The following TAOK3 variants were observed in gnomAD, a reference collection of about 807,000 sequenced individuals.
The protein encoded by TAOK3 is TAO kinase 3, also known as serine/threonine-protein kinase TAO3.
Under a neutral mutation model 120.4 loss-of-function variants are expected in TAOK3, and 40 were observed. The observed-to-expected ratio is 0.33, with a 90% CI of 0.26 to 0.43. The LOEUF is 0.43. TAOK3 is among the 20% of genes least tolerant of loss of function. The pLI, the probability that TAOK3 is intolerant of heterozygous loss-of-function variation, is 1.00. For synonymous variants in TAOK3, 355 were observed against 387.5 expected (o/e 0.92, Z 0.99); for missense variants, 821 against 1,112.1 (o/e 0.74, Z 3.72).
intron 9 of TAOK3, among the ~76,000 whole-genome samples, chr12:118,217,957 T>A (rs1225045193): frequency 6.8e-6 from 1 of 147,062 alleles, no homozygotes; most frequent in Non-Finnish European, 1.5e-5. Flanking sequence ...GCCTCCAGGT[T>A]CAAGTGATTC....
At chr12:118,221,988 C>G (rs1036061844) in intron 9 of TAOK3, among the ~76,000 whole-genome samples, 12 of 151,068 alleles carry the variant, frequency 7.9e-5, no homozygotes, top group Admixed American at 7.2e-4. Flanking sequence ...AAACGTTGAG[C>G]TAGCTACATT....
chr12:118,221,553 A>C (rs564871740), intron 9 of TAOK3, among the ~76,000 whole-genome samples: 4 of 152,106 alleles, frequency 2.6e-5, no homozygotes, highest in African/African-American at 9.6e-5. Context: ...AGTTTGAATA[A>C]AGCTTCTTCT....
chr12:118,308,492 A>G (rs749895128), intron 1 of TAOK3, among the ~76,000 whole-genome samples: 1 of 152,192 alleles, frequency 6.6e-6, no homozygotes, highest in East Asian at 1.9e-4. Context: ...CCAGTAAGGC[A>G]GGAAAATCAG....
intron 1 of TAOK3, among the ~76,000 whole-genome samples, chr12:118,345,373 A>C (rs1035637111): frequency 6.6e-6 from 1 of 152,226 alleles, no homozygotes; most frequent in African/African-American, 2.4e-5. Context: ...TGATCTCAAA[A>C]GGGTTCATAA....
chr12:118,157,812 C>G (rs879919637), intron 19 of TAOK3, among the ~76,000 whole-genome samples: 3 of 152,226 alleles, frequency 2.0e-5, no homozygotes, highest in African/African-American at 4.8e-5. Flanking sequence ...GATGAATGCA[C>G]TAGCTCCCAT....
At chr12:118,183,305 G>A (rs903083842) in intron 14 of TAOK3, among the ~76,000 whole-genome samples, 1 of 152,178 alleles carries the variant, frequency 6.6e-6, no homozygotes, top group East Asian at 1.9e-4. Flanking sequence ...AGAGAGTGCT[G>A]TTCTGTAACT....
chr12:118,301,841 CAAAAAAA>C (rs777882071), intron 1 of TAOK3, among the ~76,000 whole-genome samples: 39 of 69,078 alleles, frequency 5.6e-4, no homozygotes, highest in Non-Finnish European at 9.1e-4. Context: ...GACTCCATCT[CAAAAAAA>C]AAAAAAAAAA....
intron 2 of TAOK3, among the ~76,000 whole-genome samples, chr12:118,260,454 G>A (rs968374004): frequency 6.6e-6 from 1 of 152,014 alleles, no homozygotes; most frequent in African/African-American, 2.4e-5. Flanking sequence ...AAAATTACCA[G>A]GCATGCAGAA....
chr12:118,265,194 G>A (rs1327142443), intron 2 of TAOK3, among the ~76,000 whole-genome samples: 1 of 151,634 alleles, frequency 6.6e-6, no homozygotes, highest in African/African-American at 2.4e-5. Flanking sequence ...TTCAAGACCA[G>A]CCTGGCCAAC....
At chr12:118,323,779 G>A (rs1182931906) in intron 1 of TAOK3, among the ~76,000 whole-genome samples, 1 of 152,126 alleles carries the variant, frequency 6.6e-6, no homozygotes, top group African/African-American at 2.4e-5. Context: ...GTTTATGTAG[G>A]TGATGTAGCA....
intron 1 of TAOK3, among the ~76,000 whole-genome samples, chr12:118,287,138 G>T (rs2042295242): frequency 6.6e-6 from 1 of 152,056 alleles, no homozygotes; most frequent in Non-Finnish European, 1.5e-5. Flanking sequence ...GGTGATGGGT[G>T]CACCAAAATC....
intron 9 of TAOK3, among the ~76,000 whole-genome samples, chr12:118,214,887 A>G (rs2038810450): frequency 6.6e-6 from 1 of 151,898 alleles, no homozygotes; most frequent in Non-Finnish European, 1.5e-5. Flanking sequence ...CTGAGATTAC[A>G]GGCATGAGCC....
chr12:118,168,974 T>TTCCC (rs2035792480), intron 17 of TAOK3, among the ~76,000 whole-genome samples: 1 of 67,952 alleles, frequency 1.5e-5, no homozygotes, highest in South Asian at 5.6e-4. Flanking sequence ...CCTTCCTTCC[T>TTCCC]TCCTTCCTTC....
At chr12:118,253,356 G>A (rs2040837475) in intron 3 of TAOK3, among the ~76,000 whole-genome samples, 2 of 152,200 alleles carry the variant, frequency 1.3e-5, no homozygotes, top group Non-Finnish European at 2.9e-5. Flanking sequence ...TTGATTACAA[G>A]TTTGGAGAAG....
At chr12:118,239,355 C>T (rs1309888963) in intron 5 of TAOK3, 83 bp from the exon 6 acceptor site, 1 of 741,602 alleles carries the variant, frequency 1.3e-6, no homozygotes, top group Admixed American at 2.4e-5. Context: ...AATCAAGGAA[C>T]TAAGAATACT....
At chr12:118,273,462 C>T (rs2041794529) in intron 1 of TAOK3, among the ~76,000 whole-genome samples, 1 of 150,440 alleles carries the variant, frequency 6.6e-6, no homozygotes, top group South Asian at 2.1e-4. Context: ...AGATCGGCAC[C>T]ACTGCACTCC....
intron 2 of TAOK3, among the ~76,000 whole-genome samples, chr12:118,263,200 G>C (rs571317172): frequency 3.3e-5 from 5 of 152,290 alleles, no homozygotes; most frequent in African/African-American, 1.2e-4. Context: ...CATATTTATG[G>C]ACAACTGAGA....
intron 17 of TAOK3, among the ~76,000 whole-genome samples, chr12:118,171,284 C>A (rs2035978324): frequency 6.6e-6 from 1 of 152,222 alleles, no homozygotes; most frequent in African/African-American, 2.4e-5. Flanking sequence ...GAAAGAGCAT[C>A]CTGGCTGACC....
At chr12:118,231,294 T>C (rs1287951383) in intron 9 of TAOK3, among the ~76,000 whole-genome samples, 1 of 152,116 alleles carries the variant, frequency 6.6e-6, no homozygotes, top group Non-Finnish European at 1.5e-5. Context: ...TGTCTTTTTA[T>C]GTTTTCTGAT....
Sources: gnomAD v4.1 joint callset for allele counts (sites outside exome capture counted in the v4.1 genomes callset) on GRCh38, gnomAD v4.1.1 for gene constraint, MANE v1.5 for transcripts, NCBI Gene and HGNC (gene_info 2026-07-23, HGNC 2026-07-21) for gene names.